EHMT1: variants seen among roughly 807,000 people sequenced by gnomAD.
The protein encoded by EHMT1 is euchromatic histone lysine methyltransferase 1.
A neutral mutation model predicts 147.2 loss-of-function variants in EHMT1; 15 were observed. The observed-to-expected ratio is 0.10, with a 90% CI of 0.07 to 0.16. The LOEUF (loss-of-function observed/expected upper bound fraction) is 0.16. Ranked by LOEUF, EHMT1 falls within the 10% of genes least tolerant of loss-of-function variation. The probability of loss-of-function intolerance (pLI) is 1.00; values close to 1 mark genes in which losing one functional copy is unlikely to be tolerated. For missense variants in EHMT1, 1,587 were observed against 1,772.4 expected (o/e 0.90, Z 1.88); for synonymous variants, 795 against 709.6 (o/e 1.12, Z -1.91).
At chr9:137,673,911 T>G (rs187018200) in intron 1 of EHMT1, among the ~76,000 whole-genome samples, 70 of 152,284 alleles carry the variant, frequency 4.6e-4, no homozygotes, top group African/African-American at 1.6e-3. Context: ...TGAGAGTCTG[T>G]GGGTCCCTCC....
At chr9:137,773,365 G>A (rs963059825) in intron 10 of EHMT1, among the ~76,000 whole-genome samples, 6 of 152,090 alleles carry the variant, frequency 3.9e-5, no homozygotes, top group Admixed American at 2.0e-4. Flanking sequence ...CTGGTTCTAC[G>A]CCTTTCAGGT....
intron 1 of EHMT1, among the ~76,000 whole-genome samples, chr9:137,696,200 T>C (rs80102407): frequency 0.023 from 3,451 of 152,304 alleles, 116 homozygotes; most frequent in African/African-American, 0.078. Context: ...TTCATTCTTT[T>C]TCTCTCCACC....
At chr9:137,714,743 C>A (rs1437054684) in intron 2 of EHMT1, among the ~76,000 whole-genome samples, 1 of 151,760 alleles carries the variant, frequency 6.6e-6, no homozygotes, top group East Asian at 1.9e-4. Context: ...GGTACAGAGT[C>A]TCACTATGTT....
chr9:137,774,757 G>A lies in EHMT1; in HGVS notation c.1648-352G>A, dbSNP rs552977619. On this transcript the variant is annotated intron_variant, in intron 10 of 26. Transcript: ENST00000460843. ...GCCTGGCCCCCTGGATCTGGTGGAT[G>A]TGGTCGCGTCTGGCCCCCTGGATCT... Among the ~76,000 whole-genome samples, 4 of 135,274 alleles carry A rather than the reference G, an allele frequency of 3.0e-5. No homozygotes were observed. The East Asian group carries it at 8.9e-4, about 30-fold the overall frequency. 88.7% of individuals were successfully genotyped at this position (135,274 alleles called of 152,430 possible). A position where few individuals can be genotyped will look rare whatever the true frequency, so the allele number is the denominator to read the frequency against.
intron 1 of EHMT1, among the ~76,000 whole-genome samples, chr9:137,634,215 C>T (rs1415778736): frequency 1.3e-5 from 2 of 152,108 alleles, no homozygotes; most frequent in Non-Finnish European, 2.9e-5. Flanking sequence ...CTTTTGTTGT[C>T]GTGTCTGATT....
At chr9:137,690,650 A>C (rs940275607) in intron 1 of EHMT1, among the ~76,000 whole-genome samples, 2 of 151,974 alleles carry the variant, frequency 1.3e-5, no homozygotes, top group African/African-American at 4.8e-5. Flanking sequence ...GCTCACTGCA[A>C]CCTCTGCCTC....
intron 2 of EHMT1, among the ~76,000 whole-genome samples, chr9:137,713,733 T>G (rs889338979): frequency 1.3e-5 from 2 of 151,896 alleles, no homozygotes; most frequent in African/African-American, 4.8e-5. Flanking sequence ...GCAGATCACT[T>G]GAGGTCAGGA....
chr9:137,801,087 C>T (rs546521273), intron 18 of EHMT1, 103 bp downstream of exon 18: 15 of 981,538 alleles, frequency 1.5e-5, no homozygotes, highest in African/African-American at 3.2e-5. Context: ...CACCTGGTGG[C>T]GGCTTTGACC....
rs183216308 is a variant in EHMT1 at position 137,737,708 on chromosome 9, T to C, written c.824-5663T>C. Among the ~76,000 whole-genome samples the C allele has an allele frequency of 1.4e-3, 206 of 152,340 alleles. 2 individuals are homozygous for C. Among genetic ancestry groups the C allele is most frequent in the Non-Finnish European group, 2.1e-3 (143 of 68,036 alleles). On this transcript the variant is annotated intron_variant, in intron 4 of 26. Coordinates refer to ENST00000460843, the MANE Select transcript of EHMT1 (RefSeq NM_024757.5). ...TTGATGCACAAAGCTTTCTATCTCCTTGTTTCCCTGTTTCCCTGCTTCTTA... is the reference window on the plus strand; with the variant it reads ...TTGATGCACAAAGCTTTCTATCTCCCTGTTTCCCTGTTTCCCTGCTTCTTA...
intron 1 of EHMT1, among the ~76,000 whole-genome samples, chr9:137,664,729 C>T (rs917040586): frequency 9.9e-5 from 15 of 152,112 alleles, no homozygotes; most frequent in African/African-American, 3.1e-4. Flanking sequence ...GGGGAGGGAG[C>T]CGAGGTGGAG....
intron 4 of EHMT1, among the ~76,000 whole-genome samples, chr9:137,729,844 G>A (rs1162499525): frequency 1.3e-5 from 2 of 152,114 alleles, no homozygotes; most frequent in Admixed American, 1.3e-4. Flanking sequence ...GATGACTACA[G>A]CACAGACATC....
At chr9:137,770,083 C>T (rs11137218) in intron 10 of EHMT1, among the ~76,000 whole-genome samples, 43,139 of 152,102 alleles carry the variant, frequency 0.28, 6,646 homozygotes, top group Admixed American at 0.41. Flanking sequence ...GTGATCCGCC[C>T]GCCTCGGCCT....
At chr9:137,808,061 T>G (rs1237167731) in intron 18 of EHMT1, among the ~76,000 whole-genome samples, 1 of 152,114 alleles carries the variant, frequency 6.6e-6, no homozygotes, top group Non-Finnish European at 1.5e-5. Flanking sequence ...TCATGTTGGA[T>G]TTTGCTTTTC....
chr9:137,833,551 C>G (rs999659884), intron 25 of EHMT1, among the ~76,000 whole-genome samples: 1 of 152,248 alleles, frequency 6.6e-6, no homozygotes, highest in African/African-American at 2.4e-5. Flanking sequence ...GCTCCAAGCC[C>G]TGGGTCTCCA....
At chr9:137,737,001 C>T (rs762537271) in intron 4 of EHMT1, among the ~76,000 whole-genome samples, 2 of 152,214 alleles carry the variant, frequency 1.3e-5, no homozygotes, top group African/African-American at 4.8e-5. Flanking sequence ...TCAGGAGTTC[C>T]AGAGCGGCCT....
intron 4 of EHMT1, among the ~76,000 whole-genome samples, chr9:137,729,707 G>A (rs867809975): frequency 1.1e-4 from 17 of 151,596 alleles, no homozygotes; most frequent in African/African-American, 2.7e-4. Context: ...TCTCGCCCCC[G>A]GCCCCCCCAT....
intron 25 of EHMT1, among the ~76,000 whole-genome samples, chr9:137,820,987 C>G (rs1199904396): frequency 6.6e-6 from 1 of 152,224 alleles, no homozygotes; most frequent in Non-Finnish European, 1.5e-5. Context: ...ACGCCATTCT[C>G]CTGTCTCAGC....
At position 137,775,377 on chromosome 9, in the gene EHMT1, C is replaced by T. The variant is rs1054849422; in HGVS notation, c.1791+125C>T. 35 of 1,396,112 alleles carry T rather than the reference C, an allele frequency of 2.5e-5. No homozygotes were observed. In the Middle Eastern group the frequency reaches 3.2e-3, roughly 126 times the overall value. The allele number at this position is 1,396,112 out of a possible 1,614,324, so 86.5% of individuals were successfully genotyped here. Reference sequence around the variant, plus strand: ...CAGCAGCTGGCCCAGGTCTGGTGTCCGTCTGGAGGTCTCCAGTGTTCACAA... The same window carrying T: ...CAGCAGCTGGCCCAGGTCTGGTGTCTGTCTGGAGGTCTCCAGTGTTCACAA... On this transcript the variant is annotated intron_variant, in intron 11 of 26. Transcript: ENST00000460843. The surrounding 1 kb of genome is among the most constrained non-coding windows in gnomAD (Gnocchi z 6.1).
intron 10 of EHMT1, among the ~76,000 whole-genome samples, chr9:137,772,805 G>T (rs935360979): frequency 6.6e-6 from 1 of 152,336 alleles, no homozygotes; most frequent in African/African-American, 2.4e-5. Flanking sequence ...GGTGACCTCA[G>T]TGGGGCCACC....
Sources: allele counts gnomAD v4.1 joint callset (sites outside exome capture counted in the v4.1 genomes callset), GRCh38; gene constraint gnomAD v4.1.1; non-coding constraint Gnocchi (gnomAD v3.1); transcripts MANE v1.5; gene names NCBI Gene and HGNC (gene_info 2026-07-23, HGNC 2026-07-21).